The following LRRTM3 variants were observed in gnomAD, a reference collection of about 807,000 sequenced individuals.
LRRTM3 encodes leucine-rich repeat transmembrane neuronal protein 3.
LRRTM3 carries 24 observed loss-of-function variants against 44.7 expected under a neutral mutation model. The ratio of observed to expected loss-of-function variants is 0.54; its 90% CI spans 0.39 to 0.76. The LOEUF (loss-of-function observed/expected upper bound fraction) is 0.76. Ranked by LOEUF, LRRTM3 falls within the 30% of genes least tolerant of loss-of-function variation. LRRTM3 has a pLI of 0.00. For synonymous variants in LRRTM3, 277 were observed against 278.7 expected (o/e 0.99, Z 0.06); for missense variants, 587 against 702.2 (o/e 0.84, Z 1.85).
intron 2 of LRRTM3, among the ~76,000 whole-genome samples, chr10:67,039,428 G>A (rs565409421): frequency 2.6e-5 from 4 of 152,178 alleles, no homozygotes; most frequent in South Asian, 2.1e-4. Flanking sequence ...AAGTACATTC[G>A]AATGTTCAGA....
chr10:66,962,819 G>A (rs1849193862), intron 2 of LRRTM3, among the ~76,000 whole-genome samples: 1 of 152,030 alleles, frequency 6.6e-6, no homozygotes, highest in African/African-American at 2.4e-5. Flanking sequence ...GTTCTCCAAA[G>A]CAATTATCAC....
rs376270686 is a variant in LRRTM3 at position 67,045,717 on chromosome 10, A to G, written c.1537-51870A>G. On this transcript the variant is annotated intron_variant, in intron 2 of 2. Transcript: ENST00000361320. The stretch of plus-strand genomic sequence containing the variant: ...CAGGCGGGGATAGCGGGGGACCGAC[A>G]TCCGAGACCAGCCAAGGCCCCCCTC... Among the ~76,000 whole-genome samples, 17 of 152,272 alleles carry G rather than the reference A, an allele frequency of 1.1e-4. 1 individual carries two copies. Among genetic ancestry groups the G allele is most frequent in the African/African-American group, 4.1e-4 (17 of 41,564 alleles).
At chr10:67,004,204 G>T (rs1361235346) in intron 2 of LRRTM3, among the ~76,000 whole-genome samples, 3 of 151,962 alleles carry the variant, frequency 2.0e-5, no homozygotes, top group Admixed American at 1.3e-4. Context: ...TGAGAAGAAG[G>T]CCTGAATTTT....
At chr10:66,984,152 CA>C (rs5785810) in intron 2 of LRRTM3, among the ~76,000 whole-genome samples, 120,297 of 151,802 alleles carry the variant, frequency 0.79, 48,222 homozygotes, top group Admixed American at 0.87. Context: ...CATCCGCTAC[CA>C]AAAAAAACAC....
intron 2 of LRRTM3, among the ~76,000 whole-genome samples, chr10:67,083,566 C>T (rs1020471082): frequency 6.6e-6 from 1 of 152,078 alleles, no homozygotes; most frequent in African/African-American, 2.4e-5. Context: ...AGAATTTGTA[C>T]ATTTTAATTT....
chr10:66,954,587 A>G (rs1381473259), intron 2 of LRRTM3, among the ~76,000 whole-genome samples: 3 of 152,194 alleles, frequency 2.0e-5, no homozygotes, highest in Admixed American at 2.0e-4. Flanking sequence ...ACTTAGCTTC[A>G]GTTAAAATTA....
chr10:67,088,951 A>C (rs1268604294), intron 2 of LRRTM3, among the ~76,000 whole-genome samples: 1 of 152,098 alleles, frequency 6.6e-6, no homozygotes, highest in Non-Finnish European at 1.5e-5. Flanking sequence ...AATTAAAATT[A>C]ATACGAATAG....
rs948448777 is a variant in LRRTM3, at chr10:67,040,061, CT to C, written c.1537-57518del. Among the ~76,000 whole-genome samples the C allele has an allele frequency of 1.8e-4, 27 of 151,944 alleles. 1 individual carries two copies. The South Asian group carries it at 4.0e-3, about 22-fold the overall frequency. ...ACACTCCACACCCATTCATCTCTCT[CT>C]TTTTTTTGGTAGTGTAATGAGTACA... is the stretch of plus-strand genomic sequence containing the variant. On this transcript the variant is annotated intron_variant, in intron 2 of 2. Coordinates refer to ENST00000361320, the MANE Select transcript of LRRTM3 (RefSeq NM_178011.5).
At chr10:66,980,103 TG>T (rs1850327112) in intron 2 of LRRTM3, among the ~76,000 whole-genome samples, 1 of 152,170 alleles carries the variant, frequency 6.6e-6, no homozygotes, top group Non-Finnish European at 1.5e-5. Context: ...CTGTATTTCC[TG>T]GTTACTAATC....
At chr10:67,044,141 A>T (rs1854579776) in intron 2 of LRRTM3, among the ~76,000 whole-genome samples, 2 of 151,718 alleles carry the variant, frequency 1.3e-5, no homozygotes, top group Non-Finnish European at 2.9e-5. Context: ...TCCCATTTTT[A>T]TGTTCACATG....
intron 2 of LRRTM3, among the ~76,000 whole-genome samples, chr10:66,988,999 T>TAA (rs112498182): frequency 2.9e-4 from 42 of 145,974 alleles, no homozygotes; most frequent in East Asian, 1.4e-3. Context: ...TCCTCTCACT[T>TAA]AAAAAAAAAA....
Position 67,099,475 on chromosome 10 carries a change from T to C in LRRTM3, c.*1679T>C, listed in dbSNP as rs1375181118. The stretch of plus-strand genomic sequence containing the variant: ...TCAAAACAATGAAGAAAAGAATAAC[T>C]GAAAACAATGTCAAACTTTTAAATT... On this transcript the variant is annotated 3_prime_UTR_variant, in exon 3 of 3. Coordinates refer to ENST00000361320, the MANE Select transcript of LRRTM3 (RefSeq NM_178011.5). 4 of 152,104 alleles carry C rather than the reference T, an allele frequency of 2.6e-5. No homozygotes were observed. Among genetic ancestry groups the C allele is most frequent in the East Asian group, 3.9e-4 (2 of 5,154 alleles). The allele number at this position is 152,104 out of a possible 1,614,324, so 9.4% of individuals were successfully genotyped here. A position where few individuals can be genotyped will look rare whatever the true frequency, so the allele number is the denominator to read the frequency against.
chr10:67,066,469 G>A (rs1209326740), intron 2 of LRRTM3, among the ~76,000 whole-genome samples: 1 of 150,572 alleles, frequency 6.6e-6, no homozygotes, highest in Admixed American at 6.6e-5. Context: ...AGAATTGTAG[G>A]TGTGAACCAC....
chr10:67,054,194 T>TA lies in LRRTM3; in HGVS notation c.1537-43383dup, dbSNP rs11334144. ...AGATCAGTCAGTGCCTCCTGGTTAT[T>TA]AAAAAAAAAACTTTATAAATAAAAA... On this transcript the variant is annotated intron_variant, in intron 2 of 2. Transcript: ENST00000361320. Among the ~76,000 whole-genome samples the TA allele has an allele frequency of 1.4e-3, 207 of 150,928 alleles. 1 individual carries two copies. The highest frequency in any genetic ancestry group is 4.2e-3 in the African/African-American group (173 of 41,154).
chr10:66,937,096 T>C (rs1847750454), intron 2 of LRRTM3, among the ~76,000 whole-genome samples: 3 of 152,172 alleles, frequency 2.0e-5, no homozygotes, highest in South Asian at 4.1e-4. Context: ...AGAATTTTTT[T>C]TTCAGTGAAT....
chr10:66,938,761 T>C (rs1057009120), intron 2 of LRRTM3, among the ~76,000 whole-genome samples: 4 of 152,178 alleles, frequency 2.6e-5, no homozygotes, highest in Admixed American at 1.3e-4. Flanking sequence ...TTTCCTGTGA[T>C]AGTTACCAAA....
At chr10:67,067,455 C>T (rs2131836871) in intron 2 of LRRTM3, among the ~76,000 whole-genome samples, 1 of 152,258 alleles carries the variant, frequency 6.6e-6, no homozygotes, top group African/African-American at 2.4e-5. Context: ...ATAACATTTC[C>T]ACAATTCATT....
chr10:66,979,974 A>T (rs1036515914), intron 2 of LRRTM3, among the ~76,000 whole-genome samples: 1 of 152,154 alleles, frequency 6.6e-6, no homozygotes, highest in Non-Finnish European at 1.5e-5. Context: ...TCAAGTTTTT[A>T]TTCTTTTGTG....
chr10:67,091,235 G>A (rs1857613678), intron 2 of LRRTM3, among the ~76,000 whole-genome samples: 3 of 151,872 alleles, frequency 2.0e-5, no homozygotes, highest in Non-Finnish European at 4.4e-5. Context: ...ACAGATAGTA[G>A]AGGCATCAAA....
Sources: gnomAD v4.1 joint callset for allele counts (sites outside exome capture counted in the v4.1 genomes callset) on GRCh38, gnomAD v4.1.1 for gene constraint, MANE v1.5 for transcripts, NCBI Gene and HGNC (gene_info 2026-07-23, HGNC 2026-07-21) for gene names.